The following SLC5A8 variants were observed in gnomAD, a reference collection of about 807,000 sequenced individuals.
The protein encoded by SLC5A8 is sodium-coupled monocarboxylate transporter 1.
Under a neutral mutation model 71.9 loss-of-function variants are expected in SLC5A8, and 55 were observed. That is an observed-to-expected ratio of 0.77 (90% confidence interval 0.62 to 0.96). The LOEUF (loss-of-function observed/expected upper bound fraction) is 0.96. Among genes scored for constraint, SLC5A8 ranks in the 40% least tolerant of loss-of-function variants. The probability of loss-of-function intolerance (pLI) is 0.00; values close to 1 mark genes in which losing one functional copy is unlikely to be tolerated. For synonymous variants in SLC5A8, 307 were observed against 276.1 expected (o/e 1.11, Z -1.11); for missense variants, 701 against 745.3 (o/e 0.94, Z 0.69).
chr12:101,166,240 C>T (rs1322884006), intron 12 of SLC5A8, among the ~76,000 whole-genome samples: 1 of 152,166 alleles, frequency 6.6e-6, no homozygotes, highest in African/African-American at 2.4e-5. Flanking sequence ...GGAGAGTTTA[C>T]ACATAACAGA....
In SLC5A8 at chr12:101,195,808, T is replaced by C. The variant is rs541918034; in HGVS notation, c.470-646A>G. 4.7e-5 allele frequency among the ~76,000 whole-genome samples: 7 copies of C among 150,058 alleles called. No individual in the cohort carries two copies. The East Asian group carries it at 1.4e-3, about 30-fold the overall frequency. On this transcript the variant is annotated intron_variant, in intron 3 of 14. Coordinates refer to ENST00000536262, the MANE Select transcript of SLC5A8 (RefSeq NM_145913.5). ...ACCTCCTGGGTTCAAGCAATTCACC[T>C]GACTCAGCCTCTCGAGTAGCTGGGA...
At chr12:101,209,340 G>A (rs189930815) in intron 1 of SLC5A8, among the ~76,000 whole-genome samples, 158 bp downstream of exon 1, 6 of 151,904 alleles carry the variant, frequency 3.9e-5, no homozygotes, top group Non-Finnish European at 7.4e-5. Flanking sequence ...GGTGAAGATC[G>A]GGGGACGGGG....
At chr12:101,159,947 C>T (rs768184995) in intron 13 of SLC5A8, among the ~76,000 whole-genome samples, 40 of 152,220 alleles carry the variant, frequency 2.6e-4, no homozygotes, top group Non-Finnish European at 4.7e-4. Flanking sequence ...TTTGGGAGAC[C>T]AAGGTGGGCA....
At chr12:101,157,838 G>C (rs1378764555) in intron 14 of SLC5A8, among the ~76,000 whole-genome samples, 1 of 152,120 alleles carries the variant, frequency 6.6e-6, no homozygotes, top group Admixed American at 6.5e-5. Context: ...TCAGAGAATA[G>C]AGGGATATAC....
chr12:101,183,110 A>T (rs1372458945), intron 8 of SLC5A8, among the ~76,000 whole-genome samples, 195 bp from the exon 9 acceptor site: 10 of 125,990 alleles, frequency 7.9e-5, no homozygotes, highest in Non-Finnish European at 1.4e-4. Flanking sequence ...CAATGGCATG[A>T]TCTCGACTCA....
intron 3 of SLC5A8, among the ~76,000 whole-genome samples, chr12:101,200,746 T>C (rs1431584321): frequency 6.6e-6 from 1 of 152,044 alleles, no homozygotes; most frequent in Non-Finnish European, 1.5e-5. Context: ...GGGGAGTGAA[T>C]TAAAATGGAC....
chr12:101,159,138 A>G (rs1450366769), intron 13 of SLC5A8, among the ~76,000 whole-genome samples: 2 of 152,180 alleles, frequency 1.3e-5, no homozygotes, highest in Non-Finnish European at 2.9e-5. Flanking sequence ...CTCTGCAGGT[A>G]GGACCCCTGA....
intron 6 of SLC5A8, among the ~76,000 whole-genome samples, chr12:101,187,763 G>T (rs1239310216): frequency 1.3e-5 from 2 of 151,864 alleles, no homozygotes; most frequent in Non-Finnish European, 2.9e-5. Context: ...TATGCTCGTG[G>T]TCGGAGCTCC....
chr12:101,162,110 A>C, intron 12 of SLC5A8, 33 bp from the exon 13 acceptor site: 58 of 1,433,112 alleles, frequency 4.0e-5, no homozygotes, highest in Non-Finnish European at 5.3e-5. Flanking sequence ...GTAAGATTTC[A>C]TGTAATGCCA....
At chr12:101,197,831 C>A (rs1289293777) in intron 3 of SLC5A8, among the ~76,000 whole-genome samples, 1 of 152,030 alleles carries the variant, frequency 6.6e-6, no homozygotes, top group South Asian at 2.1e-4. Flanking sequence ...ACACTATTAG[C>A]CAACTAAACC....
intron 10 of SLC5A8, among the ~76,000 whole-genome samples, chr12:101,171,486 G>A (rs933184596): frequency 1.3e-5 from 2 of 152,218 alleles, no homozygotes; most frequent in Non-Finnish European, 2.9e-5. Context: ...CAAATCTTGA[G>A]AAATGGATCT....
At chr12:101,175,954 C>A (rs932147341) in intron 10 of SLC5A8, among the ~76,000 whole-genome samples, 11 of 151,748 alleles carry the variant, frequency 7.2e-5, no homozygotes, top group African/African-American at 2.7e-4. Flanking sequence ...ACAGAAATAC[C>A]AAACAGACAA....
At chr12:101,175,953 CCAA>C (rs1269779710) in intron 10 of SLC5A8, among the ~76,000 whole-genome samples, 2 of 151,884 alleles carry the variant, frequency 1.3e-5, no homozygotes, top group African/African-American at 4.8e-5. Context: ...AACAGAAATA[CCAA>C]ACAGACAACT....
chr12:101,161,845 T>C lies in SLC5A8; in HGVS notation c.1630+129A>G, dbSNP rs573102091. 1.4e-5 allele frequency: 10 copies of C among 712,050 alleles called. No homozygotes were observed. In the East Asian group the frequency reaches 2.5e-4, roughly 18 times the overall value. The allele number at this position is 712,050 out of a possible 1,614,324, so 44.1% of individuals were successfully genotyped here. ...TCTAGGCCTTCAGATTTCCCATGAG[T>C]AAAACAGAAGAAATAATTAAACTAG... On this transcript the variant is annotated intron_variant, in intron 13 of 14. Coordinates refer to ENST00000536262, the MANE Select transcript of SLC5A8 (RefSeq NM_145913.5).
At chr12:101,190,409 G>A in intron 6 of SLC5A8, 59 bp downstream of exon 6, 1 of 1,547,038 alleles carries the variant, frequency 6.5e-7, no homozygotes, top group East Asian at 2.4e-5. Flanking sequence ...TTATGAAAGA[G>A]TTTCCATAAA....
At chr12:101,174,461 T>G in intron 10 of SLC5A8, among the ~76,000 whole-genome samples, 1 of 152,224 alleles carries the variant, frequency 6.6e-6, no homozygotes, top group East Asian at 1.9e-4. Flanking sequence ...TGTCAGACTT[T>G]GGGGGTCCTT....
At chr12:101,160,390 C>G (rs2051713205) in intron 13 of SLC5A8, among the ~76,000 whole-genome samples, 1 of 152,158 alleles carries the variant, frequency 6.6e-6, no homozygotes, top group Non-Finnish European at 1.5e-5. Flanking sequence ...GTTTGAGAGA[C>G]AGTGCTATCT....
intron 3 of SLC5A8, among the ~76,000 whole-genome samples, chr12:101,196,102 G>C (rs1475018483): frequency 6.6e-6 from 1 of 152,222 alleles, no homozygotes; most frequent in East Asian, 1.9e-4. Flanking sequence ...TCATCACCCA[G>C]GTATCAAGCC....
At chr12:101,180,162 A>G (rs1489096924) in intron 9 of SLC5A8, 66 bp from the exon 10 acceptor site, 1 of 1,466,216 alleles carries the variant, frequency 6.8e-7, no homozygotes, top group African/African-American at 1.4e-5. Context: ...TCAATAGAAT[A>G]ATCCACCACA....
Sources: allele counts gnomAD v4.1 joint callset (sites outside exome capture counted in the v4.1 genomes callset), GRCh38; gene constraint gnomAD v4.1.1; transcripts MANE v1.5; gene names NCBI Gene and HGNC (gene_info 2026-07-23, HGNC 2026-07-21).